The following HSD17B7 variants were observed in gnomAD, a reference collection of about 807,000 sequenced individuals.
The protein encoded by HSD17B7 is 3-keto-steroid reductase/17-beta-hydroxysteroid dehydrogenase 7.
HSD17B7 carries 17 observed loss-of-function variants against 34.1 expected under a neutral mutation model. That is an observed-to-expected ratio of 0.50 (90% CI 0.34 to 0.75). The LOEUF (loss-of-function observed/expected upper bound fraction) is 0.75, where lower values mean the gene tolerates loss of function less well. HSD17B7 is among the 30% of genes least tolerant of loss of function. The pLI is 0.01. For missense variants in HSD17B7, 296 were observed against 406.6 expected, an observed-to-expected ratio of 0.73 and a Z score of 2.34; for synonymous variants, 122 against 154.6, an observed-to-expected ratio of 0.79 and a Z score of 1.56.
intron 2 of HSD17B7, among the ~76,000 whole-genome samples, chr1:162,793,460 A>G (rs528541079): frequency 1.3e-5 from 2 of 151,712 alleles, no homozygotes; most frequent in African/African-American, 4.8e-5. Flanking sequence ...AGCCAGTACC[A>G]CATTTTCAGT....
intron 5 of HSD17B7, among the ~76,000 whole-genome samples, chr1:162,802,224 C>G (rs959969141): frequency 6.6e-6 from 1 of 152,126 alleles, no homozygotes; most frequent in East Asian, 1.9e-4. Flanking sequence ...TTGTCTTCTT[C>G]TTTCTTTTTT....
Position 162,792,868 on chromosome 1 carries a change from T to A in HSD17B7, c.239+6T>A. The stretch of plus-strand genomic sequence containing the variant: ...TCCAAGGAACTTAAGCAAAGGTATA[T>A]CTCTTGCTGATGGATTTTTTTTCTC... On this transcript the variant is annotated splice_donor_region_variant and intron_variant, in intron 2 of 8. Coordinates refer to ENST00000254521, the MANE Select transcript of HSD17B7 (RefSeq NM_016371.4). 1 of 1,613,364 alleles carries A rather than the reference T, an allele frequency of 6.2e-7. No individual in the cohort carries two copies. Among genetic ancestry groups the A allele is most frequent in the Non-Finnish European group, 8.5e-7 (1 of 1,179,314 alleles).
At position 162,790,750 on chromosome 1, in the gene HSD17B7, G is replaced by C. The variant is rs1408580132; in HGVS notation, c.-51G>C. On this transcript the variant is annotated 5_prime_UTR_variant, in exon 1 of 9. Coordinates refer to ENST00000254521, the MANE Select transcript of HSD17B7 (RefSeq NM_016371.4). ...GGCGGCCCGAAATCGTAGGACTTCC[G>C]AAAGCAGCGGCGGTGTTTGCTTCAC... 3.3e-6 allele frequency: 4 copies of C among 1,221,480 alleles called. No individual in the cohort carries two copies. Among genetic ancestry groups the C allele is most frequent in the Non-Finnish European group, 4.8e-6 (4 of 836,706 alleles). 75.7% of individuals were successfully genotyped at this position (1,221,480 alleles called of 1,614,324 possible). A position where few individuals can be genotyped will look rare whatever the true frequency, so the allele number is the denominator to read the frequency against.
At chr1:162,797,631 C>T in intron 3 of HSD17B7, 171 bp from the exon 4 acceptor site, 1 of 891,158 alleles carries the variant, frequency 1.1e-6, no homozygotes, top group Admixed American at 3.1e-5. Flanking sequence ...GGGTCTTTGG[C>T]ATTTCATTTA....
chr1:162,809,080 A>T (rs999910066), intron 8 of HSD17B7, among the ~76,000 whole-genome samples: 2 of 152,194 alleles, frequency 1.3e-5, no homozygotes, highest in African/African-American at 4.8e-5. Context: ...GTTTTTGCCC[A>T]TTCAGTATGA....
At chr1:162,807,229 T>C (rs543131357) in intron 8 of HSD17B7, among the ~76,000 whole-genome samples, 4 of 152,288 alleles carry the variant, frequency 2.6e-5, no homozygotes, top group Non-Finnish European at 2.9e-5. Flanking sequence ...CGGTGTTTGG[T>C]TTTTTGTCCT....
chr1:162,794,856 C>T (rs150764887), intron 2 of HSD17B7, among the ~76,000 whole-genome samples: 1,578 of 152,204 alleles, frequency 0.01, 32 homozygotes, highest in African/African-American at 0.036. Context: ...TCAAGATATT[C>T]GGTACTTTAT....
In HSD17B7 at chr1:162,806,507, C is replaced by G. The variant is rs1242108958; in HGVS notation, c.903+1015C>G. ...ACCATGCTTCATATTACATTCCCCTCTTTCAGAGACTTGTACAGCATACAT... is the reference window on the plus strand; with the variant it reads ...ACCATGCTTCATATTACATTCCCCTGTTTCAGAGACTTGTACAGCATACAT... On this transcript the variant is annotated intron_variant, in intron 8 of 8. Transcript: ENST00000254521. Among the ~76,000 whole-genome samples, 9 of 152,228 alleles carry G rather than the reference C, an allele frequency of 5.9e-5. No individual in the cohort carries two copies. The East Asian group carries it at 1.7e-3, about 29-fold the overall frequency.
intron 5 of HSD17B7, 190 bp downstream of exon 5, chr1:162,800,127 G>A (rs183015570): frequency 4.2e-6 from 3 of 709,900 alleles, no homozygotes; most frequent in Non-Finnish European, 7.8e-6. Context: ...TCATTCTGTG[G>A]TTCTTCAGGA....
In HSD17B7 at chr1:162,799,819, G is replaced by T. The variant is rs1235553323; in HGVS notation, c.524G>T (p.Arg175Met). Residue 175 changes from arginine (R) to methionine (M), a missense_variant, in exon 5 of 9, where the codon AGG becomes ATG. Transcript: ENST00000254521. ...QLIWTSSRSA[R>M]KSNFSLEDFQ... ...ATCTGGACATCATCTCGCAGTGCAA[G>T]GAAATCTAATTTCAGCCTCGAGGAC... 6.2e-7 allele frequency: 1 copy of T among 1,613,988 alleles called. No homozygotes were observed. The highest frequency in any genetic ancestry group is 8.5e-7 in the Non-Finnish European group (1 of 1,179,978).
In HSD17B7 at chr1:162,799,745, TC is replaced by T; in HGVS notation, c.451del (p.Arg151GlyfsTer53). Reference sequence around the variant, plus strand: ...CTTTTTTTTTTTCTTTCACCCAGATTCGGGAACTGGAGCCTCTCCTCTGTCA... The same window carrying T: ...CTTTTTTTTTTTCTTTCACCCAGATTGGGAACTGGAGCCTCTCCTCTGTCA... The part of the protein sequence containing the change: ...TNVFGHFILI[R>X]ELEPLLCHSD... On this transcript the variant is annotated frameshift_variant, in exon 5 of 9. Transcript: ENST00000254521. LOFTEE classifies it high-confidence loss of function. 1 of 1,611,780 alleles carries T rather than the reference TC, an allele frequency of 6.2e-7. No homozygotes were observed. The highest frequency in any genetic ancestry group is 8.5e-7 in the Non-Finnish European group (1 of 1,178,780).
chr1:162,793,411 C>A (rs1405594062), intron 2 of HSD17B7, among the ~76,000 whole-genome samples: 10 of 152,160 alleles, frequency 6.6e-5, no homozygotes, highest in African/African-American at 2.4e-4. Flanking sequence ...GATGTGTGAT[C>A]AGTTGGTACT....
At chr1:162,794,622 G>C (rs532686628) in intron 2 of HSD17B7, among the ~76,000 whole-genome samples, 5 of 152,016 alleles carry the variant, frequency 3.3e-5, no homozygotes, top group Non-Finnish European at 5.9e-5. Context: ...ATGAAGTTGA[G>C]AGAAGTTATG....
intron 4 of HSD17B7, chr1:162,798,936 G>C: frequency 3.4e-6 from 1 of 290,544 alleles, no homozygotes; most frequent in Non-Finnish European, 7.3e-6. Context: ...GGAAGTTGTG[G>C]TGAGCCGAGG....
In HSD17B7 at chr1:162,805,577, C is replaced by G. The variant is rs1430188222; in HGVS notation, c.903+85C>G. Reference sequence around the variant, plus strand: ...GTTCCTGACCAGCCCCTCAGCCCCCCAGCTTCGCTTCTCTGGGTACTCACT... The same window carrying G: ...GTTCCTGACCAGCCCCTCAGCCCCCGAGCTTCGCTTCTCTGGGTACTCACT... On this transcript the variant is annotated intron_variant, in intron 8 of 8. Transcript: ENST00000254521. 14 of 1,546,392 alleles carry G rather than the reference C, an allele frequency of 9.1e-6. No individual in the cohort carries two copies. In the East Asian group the frequency reaches 2.3e-4, roughly 26 times the overall value.
chr1:162,800,851 A>T (rs923976853), intron 5 of HSD17B7, among the ~76,000 whole-genome samples: 1 of 152,258 alleles, frequency 6.6e-6, no homozygotes, highest in African/African-American at 2.4e-5. Flanking sequence ...ATTATGTTTT[A>T]CCTCAACGGA....
At chr1:162,804,668 G>T (rs537756829) in intron 7 of HSD17B7, among the ~76,000 whole-genome samples, 2 of 152,302 alleles carry the variant, frequency 1.3e-5, no homozygotes, top group East Asian at 1.9e-4. Flanking sequence ...GTGATTTCCC[G>T]TGGAGAAAGA....
chr1:162,800,333 G>A (rs1245571706), intron 5 of HSD17B7: 1 of 451,882 alleles, frequency 2.2e-6, no homozygotes, highest in African/African-American at 2.0e-5. Flanking sequence ...TTTACCTGAT[G>A]GTCACACAAC....
rs1391649170 is a variant in HSD17B7 at position 162,805,470 on chromosome 1, G to T, written c.881G>T (p.Arg294Ile). The change falls in exon 8 of 9, where the codon AGA becomes ATA. Residue 294 changes from arginine (R) to isoleucine (I), a missense_variant. Transcript: ENST00000254521. Reference sequence around the variant, plus strand: ...CTGAGTGCCACCACTGGCTTTGGAAGAAATTACATTATGACCCAGAAGGTA... The same window carrying T: ...CTGAGTGCCACCACTGGCTTTGGAATAAATTACATTATGACCCAGAAGGTA... ...KYLSATTGFG[R>I]NYIMTQKMDL... is the part of the protein sequence containing the mutation. 1 of 1,613,048 alleles carries T rather than the reference G, an allele frequency of 6.2e-7. No homozygotes were observed. Among genetic ancestry groups the T allele is most frequent in the South Asian group, 1.1e-5 (1 of 91,002 alleles).
Sources: gnomAD v4.1 joint callset for allele counts (sites outside exome capture counted in the v4.1 genomes callset) on GRCh38, gnomAD v4.1.1 for gene constraint, MANE v1.5 for transcripts, NCBI Gene and HGNC (gene_info 2026-07-23, HGNC 2026-07-21) for gene names.